SLC4A10: variants seen among roughly 807,000 people sequenced by gnomAD.
SLC4A10 encodes the protein solute carrier family 4 member 10.
A neutral mutation model predicts 137.7 loss-of-function variants in SLC4A10; 42 were observed. The ratio of observed to expected loss-of-function variants is 0.30; its 90% confidence interval spans 0.24 to 0.39. The LOEUF is 0.39. Among genes scored for constraint, SLC4A10 ranks in the 10% least tolerant of loss-of-function variants. The probability of loss-of-function intolerance (pLI) is 1.00; values close to 1 mark genes in which losing one functional copy is unlikely to be tolerated. For missense variants in SLC4A10, 925 were observed against 1,355.0 expected, an observed-to-expected ratio of 0.68 and a Z score of 4.98; for synonymous variants, 474 against 464.1, an observed-to-expected ratio of 1.02 and a Z score of -0.27.
chr2:161,930,041 GTCTT>G (rs1690036963), intron 15 of SLC4A10, among the ~76,000 whole-genome samples: 1 of 152,042 alleles, frequency 6.6e-6, no homozygotes, highest in Admixed American at 6.6e-5. Flanking sequence ...AAGCTACCTG[GTCTT>G]TCTTGGAATA....
chr2:161,742,853 A>G (rs1473627278), intron 1 of SLC4A10, among the ~76,000 whole-genome samples: 1 of 151,938 alleles, frequency 6.6e-6, no homozygotes, highest in African/African-American at 2.4e-5. Context: ...TTGCATTTGC[A>G]TTTTTCTGAT....
intron 3 of SLC4A10, among the ~76,000 whole-genome samples, chr2:161,813,648 G>T (rs2056768479): frequency 6.6e-6 from 1 of 152,132 alleles, no homozygotes; most frequent in Admixed American, 6.6e-5. Flanking sequence ...TGGATTATCT[G>T]TAGGGCTATG....
At chr2:161,713,778 T>C (rs982556322) in intron 1 of SLC4A10, among the ~76,000 whole-genome samples, 7 of 151,898 alleles carry the variant, frequency 4.6e-5, no homozygotes, top group African/African-American at 1.4e-4. Context: ...TTAAAAATCA[T>C]AAAGTAAACC....
intron 2 of SLC4A10, among the ~76,000 whole-genome samples, chr2:161,772,533 TAAG>T (rs2051766396): frequency 1.3e-5 from 2 of 151,998 alleles, no homozygotes; most frequent in Admixed American, 6.6e-5. Flanking sequence ...TTGGCATAGT[TAAG>T]AAATACAGAC....
chr2:161,825,700 C>T (rs2057972635), intron 3 of SLC4A10, among the ~76,000 whole-genome samples: 1 of 152,148 alleles, frequency 6.6e-6, no homozygotes, highest in Admixed American at 6.5e-5. Flanking sequence ...TTATTGAATG[C>T]AGCAATGTCA....
chr2:161,924,263 A>G (rs72865298), intron 15 of SLC4A10, among the ~76,000 whole-genome samples: 10,196 of 151,970 alleles, frequency 0.067, 446 homozygotes, highest in East Asian at 0.13. Context: ...TTTTTCTCAC[A>G]TTTTTCTTGA....
intron 15 of SLC4A10, among the ~76,000 whole-genome samples, chr2:161,932,954 A>G (rs1690687764): frequency 6.6e-6 from 1 of 151,836 alleles, no homozygotes; most frequent in Non-Finnish European, 1.5e-5. Context: ...GATTCCCCAT[A>G]TAAGTGAGAT....
chr2:161,742,619 T>C (rs1355980479), intron 1 of SLC4A10, among the ~76,000 whole-genome samples: 1 of 151,892 alleles, frequency 6.6e-6, no homozygotes, highest in Non-Finnish European at 1.5e-5. Context: ...TTTGTATTTT[T>C]AGTAGAGATG....
chr2:161,736,859 ATTG>A (rs543415614), intron 1 of SLC4A10, among the ~76,000 whole-genome samples: 1 of 151,980 alleles, frequency 6.6e-6, no homozygotes, highest in African/African-American at 2.4e-5. Flanking sequence ...TATTATTATT[ATTG>A]TTATTATTGA....
At chr2:161,975,925 G>A (rs1699322125) in intron 24 of SLC4A10, among the ~76,000 whole-genome samples, 2 of 152,252 alleles carry the variant, frequency 1.3e-5, no homozygotes, top group South Asian at 2.1e-4. Context: ...AGTGAGGTGG[G>A]GACAGAGCCT....
chr2:161,977,797 A>G, intron 26 of SLC4A10, 37 bp downstream of exon 26: 1 of 1,550,640 alleles, frequency 6.4e-7, no homozygotes, highest in Non-Finnish European at 8.7e-7. Context: ...CCTTGGTTGC[A>G]TTTCCTTATG....
At chr2:161,759,307 A>T (rs2049996974) in intron 1 of SLC4A10, among the ~76,000 whole-genome samples, 1 of 152,098 alleles carries the variant, frequency 6.6e-6, no homozygotes, top group South Asian at 2.1e-4. Context: ...ATCAGCATAC[A>T]TAGTTACGTG....
intron 3 of SLC4A10, among the ~76,000 whole-genome samples, chr2:161,836,698 G>A (rs1266690053): frequency 6.7e-6 from 1 of 148,950 alleles, no homozygotes; most frequent in African/African-American, 2.5e-5. Flanking sequence ...GAAGCTCAGG[G>A]TTCCCACAGG....
intron 15 of SLC4A10, among the ~76,000 whole-genome samples, chr2:161,916,775 A>G (rs1336711771): frequency 1.3e-5 from 2 of 152,192 alleles, no homozygotes; most frequent in Non-Finnish European, 2.9e-5. Flanking sequence ...TGTTTCTGCC[A>G]GATACTTATG....
intron 15 of SLC4A10, among the ~76,000 whole-genome samples, chr2:161,925,881 C>T (rs1309601158): frequency 3.3e-5 from 5 of 152,090 alleles, no homozygotes; most frequent in South Asian, 2.1e-4. Flanking sequence ...TTTCTTAATC[C>T]TGAGTTCTAG....
intron 1 of SLC4A10, among the ~76,000 whole-genome samples, chr2:161,749,996 A>C (rs1241716645): frequency 6.6e-6 from 1 of 151,690 alleles, no homozygotes; most frequent in Non-Finnish European, 1.5e-5. Context: ...TATGTTTCTA[A>C]GAATTTACCC....
At chr2:161,739,637 G>A (rs1390718715) in intron 1 of SLC4A10, among the ~76,000 whole-genome samples, 2 of 152,070 alleles carry the variant, frequency 1.3e-5, no homozygotes, top group Non-Finnish European at 2.9e-5. Flanking sequence ...ATACTTACCG[G>A]CATCAATCTC....
At chr2:161,801,291 T>C (rs1214198528) in intron 2 of SLC4A10, among the ~76,000 whole-genome samples, 1 of 152,044 alleles carries the variant, frequency 6.6e-6, no homozygotes, top group Non-Finnish European at 1.5e-5. Context: ...TTAATCTTGC[T>C]CTTTTTATCA....
rs78148127 is a variant in SLC4A10 at position 161,937,661 on chromosome 2, G to A, written c.1998-5131G>A. The stretch of plus-strand genomic sequence containing the variant: ...CTCTCCTGCATTTAAAGAAAGCCCC[G>A]AGATTATATCTATCTTGTCCAACTT... On this transcript the variant is annotated intron_variant, in intron 15 of 26. Transcript: ENST00000446997. Among the ~76,000 whole-genome samples the A allele has an allele frequency of 6.3e-3, 958 of 152,210 alleles. 9 individuals carry two copies. Among genetic ancestry groups the A allele is most frequent in the African/African-American group, 0.022 (911 of 41,524 alleles).
Sources: gnomAD v4.1 joint callset for allele counts (sites outside exome capture counted in the v4.1 genomes callset) on GRCh38, gnomAD v4.1.1 for gene constraint, MANE v1.5 for transcripts, NCBI Gene and HGNC (gene_info 2026-07-23, HGNC 2026-07-21) for gene names.